ATP6V0D2: variants seen among roughly 807,000 people sequenced by gnomAD.
ATP6V0D2 encodes the protein ATPase H+ transporting V0 subunit d2, also known as V-type proton ATPase subunit d 2.
In ATP6V0D2, 40 loss-of-function variants were observed where a neutral mutation model predicts 40.0. The ratio of observed to expected loss-of-function variants is 1.00; its 90% CI spans 0.78 to 1.30. The LOEUF (loss-of-function observed/expected upper bound fraction) is 1.30. Ranked by LOEUF, ATP6V0D2 falls within the 50% of genes most tolerant of loss-of-function variation. ATP6V0D2 has a pLI of 0.00. For synonymous variants in ATP6V0D2, 179 were observed against 156.3 expected (o/e 1.15, Z -1.08); for missense variants, 470 against 423.1 (o/e 1.11, Z -0.97).
chr8:86,124,799 T>C (rs1285043571), intron 2 of ATP6V0D2, among the ~76,000 whole-genome samples: 2 of 152,186 alleles, frequency 1.3e-5, no homozygotes, highest in African/African-American at 2.4e-5. Flanking sequence ...CAGCAGAGAA[T>C]TAAACCAAGC....
chr8:86,139,607 T>A lies in ATP6V0D2; in HGVS notation c.453T>A (p.Phe151Leu). ...VNIAETPSDL[F>L]NAILIETPLA... ...TTGCAGAGACACCTTCAGATCTCTT[T>A]AATGCCATTCTGATCGAAACGCCAT... The change falls in exon 3 of 8, where the codon TTT (phenylalanine) becomes TTA (leucine). Residue 151 changes from phenylalanine (F) to leucine (L), a missense_variant. By Grantham distance (22) the Phe-to-Leu change is conservative (BLOSUM62 0). Transcript: ENST00000285393. 6.2e-7 allele frequency: 1 copy of A among 1,609,750 alleles called. No individual in the cohort carries two copies. The highest frequency in any genetic ancestry group is 8.5e-7 in the Non-Finnish European group (1 of 1,178,458).
chr8:86,143,414 T>C (rs565953168), intron 5 of ATP6V0D2, among the ~76,000 whole-genome samples: 3 of 152,212 alleles, frequency 2.0e-5, no homozygotes, highest in Non-Finnish European at 2.9e-5. Flanking sequence ...GGCTACTCCA[T>C]AGGCAGAGCA....
At chr8:86,145,321 G>GAAAGAAAGAAAA (rs1819048947) in intron 5 of ATP6V0D2, among the ~76,000 whole-genome samples, 1 of 37,994 alleles carries the variant, frequency 2.6e-5, no homozygotes, top group African/African-American at 1.4e-4. Flanking sequence ...AAAGAAAGAA[G>GAAAGAAAGAAAA]GAAAGAAGGA....
At chr8:86,136,526 C>T (rs1818899789) in intron 2 of ATP6V0D2, among the ~76,000 whole-genome samples, 1 of 152,116 alleles carries the variant, frequency 6.6e-6, no homozygotes, top group Non-Finnish European at 1.5e-5. Flanking sequence ...TAAGCACTTC[C>T]ATTTTAATAT....
intron 1 of ATP6V0D2, among the ~76,000 whole-genome samples, chr8:86,099,597 A>T (rs974482567): frequency 8.5e-5 from 13 of 152,212 alleles, no homozygotes; most frequent in Middle Eastern, 3.4e-3. Flanking sequence ...GGGTTCAAGC[A>T]ATTCTCCTGC....
At chr8:86,125,662 C>T (rs992481699) in intron 2 of ATP6V0D2, among the ~76,000 whole-genome samples, 3 of 151,994 alleles carry the variant, frequency 2.0e-5, no homozygotes, top group Admixed American at 6.6e-5. Context: ...TGTCACAGAG[C>T]CCAGAGGTAA....
At chr8:86,144,351 C>A (rs1819018402) in intron 5 of ATP6V0D2, among the ~76,000 whole-genome samples, 1 of 152,100 alleles carries the variant, frequency 6.6e-6, no homozygotes, top group East Asian at 1.9e-4. Context: ...CCTTACTTTG[C>A]CCTGTGAAAC....
At chr8:86,133,624 A>G (rs1014329399) in intron 2 of ATP6V0D2, among the ~76,000 whole-genome samples, 12 of 151,946 alleles carry the variant, frequency 7.9e-5, no homozygotes, top group African/African-American at 2.7e-4. Context: ...CCTGGCCACA[A>G]GCAGAAAATC....
At chr8:86,105,979 TAA>T (rs1818466346) in intron 1 of ATP6V0D2, among the ~76,000 whole-genome samples, 1 of 152,116 alleles carries the variant, frequency 6.6e-6, no homozygotes, top group African/African-American at 2.4e-5. Context: ...TCCCTAAGCC[TAA>T]GAGTGTATTT....
At chr8:86,150,012 G>T (rs992728466) in intron 5 of ATP6V0D2, 100 bp from the exon 6 acceptor site, 33 of 1,149,386 alleles carry the variant, frequency 2.9e-5, no homozygotes, top group Non-Finnish European at 3.9e-5. Flanking sequence ...GATCCAGAAA[G>T]GAAAGCGAAT....
intron 2 of ATP6V0D2, among the ~76,000 whole-genome samples, chr8:86,126,262 A>ATATATATATATATATATATATATATT (rs1191399026): frequency 7.6e-6 from 1 of 131,338 alleles, no homozygotes; most frequent in African/African-American, 2.8e-5. Flanking sequence ...ATATATATAT[A>ATATATATATATATATATATATATATT]TCTTTTTGTA....
intron 2 of ATP6V0D2, among the ~76,000 whole-genome samples, chr8:86,121,714 T>G (rs1388415684): frequency 6.6e-6 from 1 of 150,654 alleles, no homozygotes; most frequent in East Asian, 2.0e-4. Flanking sequence ...TCTGAAACCA[T>G]TTCTCTTATC....
At chr8:86,107,409 A>G (rs1372741286) in intron 1 of ATP6V0D2, among the ~76,000 whole-genome samples, 4 of 152,226 alleles carry the variant, frequency 2.6e-5, no homozygotes, top group Non-Finnish European at 4.4e-5. Context: ...TGAAGTTTCA[A>G]GATCCTGACG....
intron 2 of ATP6V0D2, among the ~76,000 whole-genome samples, chr8:86,126,260 A>ATATATATATATATATATATATATATC (rs1477844539): frequency 7.6e-6 from 1 of 131,512 alleles, no homozygotes; most frequent in East Asian, 2.2e-4. Flanking sequence ...ATATATATAT[A>ATATATATATATATATATATATATATC]TATCTTTTTG....
In ATP6V0D2 at chr8:86,113,818, A is replaced by T. The variant is rs370688319; in HGVS notation, c.240A>T (p.Gly80=). The change falls in exon 2 of 8, where the codon GGA becomes GGT. Residue 80 remains glycine (G), a synonymous_variant. Coordinates refer to ENST00000285393, the MANE Select transcript of ATP6V0D2 (RefSeq NM_152565.1). ...IDTEMRKRLC[G]EFEYFRNHSL... ...CTGAGATGAGGAAAAGACTATGTGG[A>T]GAATTTGAGTATTTCCGGAATCATT... 1.2e-6 allele frequency: 2 copies of T among 1,613,844 alleles called. No homozygotes were observed. Among genetic ancestry groups the T allele is most frequent in the Non-Finnish European group, 1.7e-6 (2 of 1,179,940 alleles).
chr8:86,122,112 C>T (rs13281890), intron 2 of ATP6V0D2, among the ~76,000 whole-genome samples: 69,729 of 151,968 alleles, frequency 0.46, 17,490 homozygotes, highest in Non-Finnish European at 0.57. Flanking sequence ...TATTTTTCCT[C>T]CTTCCTATTG....
At position 86,139,448 on chromosome 8, in the gene ATP6V0D2, C is replaced by G. The variant is rs1055798030; in HGVS notation, c.303-9C>G. On this transcript the variant is annotated splice_polypyrimidine_tract_variant and intron_variant, in intron 2 of 7. Coordinates refer to ENST00000285393, the MANE Select transcript of ATP6V0D2 (RefSeq NM_152565.1). The stretch of plus-strand genomic sequence containing the variant: ...TGTCCTCTAATGATTGAGTTGTCTT[C>G]TGAACCAGGTGCAGTTATATGATAG... 4.4e-6 allele frequency: 7 copies of G among 1,594,092 alleles called. No individual in the cohort carries two copies. In the South Asian group the frequency reaches 4.6e-5, roughly 10 times the overall value.
chr8:86,135,074 T>C (rs1442892090), intron 2 of ATP6V0D2, among the ~76,000 whole-genome samples: 1 of 152,214 alleles, frequency 6.6e-6, no homozygotes, highest in African/African-American at 2.4e-5. Flanking sequence ...GGTAATACCC[T>C]GGAGAGCTTC....
chr8:86,139,963 T>C (rs1383340898), intron 3 of ATP6V0D2, among the ~76,000 whole-genome samples: 1 of 152,218 alleles, frequency 6.6e-6, no homozygotes, highest in African/African-American at 2.4e-5. Context: ...AGCAAATAAA[T>C]AATAGCACTT....
Sources: allele counts gnomAD v4.1 joint callset (sites outside exome capture counted in the v4.1 genomes callset), GRCh38; gene constraint gnomAD v4.1.1; transcripts MANE v1.5; gene names NCBI Gene and HGNC (gene_info 2026-07-23, HGNC 2026-07-21).